The following ALG3 variants were observed in gnomAD, a reference collection of about 807,000 sequenced individuals.
ALG3 encodes ALG3 alpha-1,3- mannosyltransferase, also known as dol-P-Man:Man(5)GlcNAc(2)-PP-Dol alpha-1,3-mannosyltransferase.
In ALG3, 39 loss-of-function variants were observed where a neutral mutation model predicts 50.5. That is an observed-to-expected ratio of 0.77 (90% CI 0.60 to 1.01). The LOEUF is 1.01. ALG3 is among the 50% of genes least tolerant of loss of function. ALG3 has a pLI of 0.00. For missense variants in ALG3, 520 were observed against 554.8 expected, an observed-to-expected ratio of 0.94 and a Z score of 0.63; for synonymous variants, 252 against 237.2, an observed-to-expected ratio of 1.06 and a Z score of -0.58.
intron 4 of ALG3, 92 bp downstream of exon 4, chr3:184,245,106 T>C (rs965907471): frequency 6.6e-7 from 1 of 1,522,178 alleles, no homozygotes; most frequent in Non-Finnish European, 9.0e-7. Flanking sequence ...CCATGCTGTC[T>C]TGGCTACTCC....
Position 184,242,305 on chromosome 3 carries a change from C to T in ALG3, c.*209G>A. ...GGTAGAGAGCCACAGTCCCCAAATC[C>T]TATGCAATAAAGTGCCTCTTAGGAC... On this transcript the variant is annotated 3_prime_UTR_variant, in exon 9 of 9. Coordinates refer to ENST00000397676, the MANE Select transcript of ALG3 (RefSeq NM_005787.6). The T allele has an allele frequency of 1.3e-6, 1 of 769,004 alleles. No individual in the cohort carries two copies. The highest frequency in any genetic ancestry group is 2.2e-6 in the Non-Finnish European group (1 of 452,316). 47.6% of individuals were successfully genotyped at this position (769,004 alleles called of 1,614,324 possible).
intron 5 of ALG3, 36 bp downstream of exon 5, chr3:184,244,565 C>G: frequency 1.3e-6 from 2 of 1,593,838 alleles, no homozygotes; most frequent in Non-Finnish European, 1.7e-6. Context: ...AGTGGCTTCT[C>G]CTTGATTAGA....
chr3:184,242,748 A>G, intron 8 of ALG3, 65 bp downstream of exon 8: 1 of 1,597,482 alleles, frequency 6.3e-7, no homozygotes, highest in African/African-American at 1.3e-5. Context: ...CTCATGCCCT[A>G]GACATAAACC....
chr3:184,249,043 C>A, upstream of ALG3: 1 of 1,515,876 alleles, frequency 6.6e-7, no homozygotes, highest in South Asian at 1.2e-5. Context: ...GGCTAAGCGC[C>A]GATCCGAGTA....
At position 184,242,554 on chromosome 3, in the gene ALG3, G is replaced by C; in HGVS notation, c.1277C>G (p.Pro426Arg). ...ILLQLWLGPQ[P>R]FPKSTQHSKK... ...GCTGTGTTGGGTGCTCTTGGGGAAA[G>C]GCTGCGGGCCCAGCCAGAGCTGCAG... Residue 426 changes from proline (P) to arginine (R), a missense_variant, in exon 9 of 9, where the codon CCT becomes CGT. Physicochemically the swap from Pro to Arg is moderately radical, Grantham distance 103. Around this residue, in one of 3 missense-constraint regions of ALG3, gnomAD observed 224 missense variants for 272.8 expected, o/e 0.82. Coordinates refer to ENST00000397676, the MANE Select transcript of ALG3 (RefSeq NM_005787.6). 6.2e-7 allele frequency: 1 copy of C among 1,611,906 alleles called. No homozygotes were observed. Among genetic ancestry groups the C allele is most frequent in the Non-Finnish European group, 8.5e-7 (1 of 1,178,292 alleles).
At chr3:184,248,385 C>T (rs1719295505) in intron 1 of ALG3, among the ~76,000 whole-genome samples, 1 of 152,136 alleles carries the variant, frequency 6.6e-6, no homozygotes, top group Non-Finnish European at 1.5e-5. Flanking sequence ...GATCACAGAA[C>T]TGAACACATG....
At chr3:184,243,122 A>G in intron 7 of ALG3, 165 bp from the exon 8 acceptor site, 2 of 910,412 alleles carry the variant, frequency 2.2e-6, no homozygotes, top group South Asian at 3.3e-5. Context: ...TCAACCAAAT[A>G]TGGAATATGG....
upstream of ALG3, chr3:184,249,261 G>A (rs776703482): frequency 6.2e-7 from 1 of 1,612,074 alleles, no homozygotes; most frequent in African/African-American, 1.3e-5. Flanking sequence ...ATTCTCCTTC[G>A]CCTGCGCTGG....
chr3:184,248,801 G>A lies in ALG3; in HGVS notation c.140C>T (p.Ala47Val). 6.2e-7 allele frequency: 1 copy of A among 1,605,442 alleles called. No homozygotes were observed. The highest frequency in any genetic ancestry group is 8.5e-7 in the Non-Finnish European group (1 of 1,175,270). The change falls in exon 1 of 9, where the codon GCC becomes GTC. Residue 47 changes from alanine (A) to valine (V), a missense_variant. This residue lies in a region of ALG3 where 290 missense variants were observed against 265.9 expected (regional missense o/e 1.09). Transcript: ENST00000397676. ...REPRYTLLVA[A>V]CLCLAEVGIT... is the part of the protein sequence containing the mutation. Reference sequence around the variant, plus strand: ...GCCCACCTCCGCCAGGCAGAGGCAGGCGGCCACCAGCAGCGTGTAGCGCGG... The same window carrying A: ...GCCCACCTCCGCCAGGCAGAGGCAGACGGCCACCAGCAGCGTGTAGCGCGG...
At chr3:184,245,106 T>G in intron 4 of ALG3, 92 bp downstream of exon 4, 1 of 1,522,178 alleles carries the variant, frequency 6.6e-7, no homozygotes, top group African/African-American at 1.4e-5. Flanking sequence ...CCATGCTGTC[T>G]TGGCTACTCC....
In ALG3 at chr3:184,245,607, G is replaced by A. The variant is rs1719101016; in HGVS notation, c.305C>T (p.Ala102Val). ...QGDTGPLVYPAGFVYIFMGLY... is the reference protein window; with the variant it reads ...QGDTGPLVYPVGFVYIFMGLY... ...CCCCATAAAGATGTACACGAAACCA[G>A]CTGGGTACCTGGAAGATGAGAGAAA... The change falls in exon 3 of 9, where the codon GCT becomes GTT. Residue 102 changes from alanine to valine, a missense_variant. By Grantham distance (64) the Ala-to-Val change is moderately conservative (BLOSUM62 0). Coordinates refer to ENST00000397676, the MANE Select transcript of ALG3 (RefSeq NM_005787.6). 6.2e-7 allele frequency: 1 copy of A among 1,613,108 alleles called. No individual in the cohort carries two copies. The highest frequency in any genetic ancestry group is 1.1e-5 in the South Asian group (1 of 90,892).
chr3:184,247,211 T>C (rs2108443419), intron 1 of ALG3, among the ~76,000 whole-genome samples: 1 of 151,436 alleles, frequency 6.6e-6, no homozygotes, highest in South Asian at 2.1e-4. Flanking sequence ...GCCAGGCTGG[T>C]CTTTAACTCC....
Position 184,245,781 on chromosome 3 carries a change from G to A in ALG3, c.228C>T (p.Ala76=), listed in dbSNP as rs745962811. The change falls in exon 2 of 9, where the codon GCC becomes GCT. Residue 76 remains alanine, a synonymous_variant. Transcript: ENST00000397676. ...TACCATTGATGACGCCTTCTACCTC[G>A]GCCATGTAGGCCTTCCAGTCAATCT... ...YTEIDWKAYM[A]EVEGVINGTY... is the part of the protein sequence containing the mutation. The A allele has an allele frequency of 1.4e-5, 22 of 1,613,730 alleles. No homozygotes were observed. The South Asian group carries it at 1.6e-4, about 12-fold the overall frequency.
At chr3:184,249,066 T>A, upstream of ALG3, 1 of 1,486,386 alleles carries the variant, frequency 6.7e-7, no homozygotes, top group African/African-American at 1.4e-5. Flanking sequence ...CAGTCTTCAT[T>A]TACTCCACTA....
intron 5 of ALG3, 165 bp downstream of exon 5, chr3:184,244,436 A>G (rs921203264): frequency 1.6e-5 from 14 of 865,298 alleles, no homozygotes; most frequent in Admixed American, 1.2e-4. Flanking sequence ...TTAATACCCT[A>G]TTTTACAGCT....
intron 1 of ALG3, among the ~76,000 whole-genome samples, chr3:184,247,583 C>T (rs1209372343): frequency 6.6e-6 from 1 of 152,208 alleles, no homozygotes; most frequent in Non-Finnish European, 1.5e-5. Flanking sequence ...CAGGCGTGTG[C>T]CGCTGCGCCC....
In ALG3 at chr3:184,245,486, G is replaced by C; in HGVS notation, c.426C>G (p.Ile142Met). Residue 142 changes from isoleucine to methionine, a missense_variant, in exon 3 of 9, where the codon ATC becomes ATG. By Grantham distance (10) the Ile-to-Met change is conservative. Transcript: ENST00000397676. The part of the protein sequence containing the change: ...YLATLLLVFL[I>M]YHQTCKVPPF... The stretch of plus-strand genomic sequence containing the variant: ...GACTCACCTTGCAGGTCTGGTGATA[G>C]ATCAAGAAGACAAGCAGCAAGGTAG... 6.2e-7 allele frequency: 1 copy of C among 1,614,022 alleles called. No homozygotes were observed. Among genetic ancestry groups the C allele is most frequent in the East Asian group, 2.2e-5 (1 of 44,884 alleles).
rs781534301 is a variant in ALG3, at chr3:184,248,872, T to C, written c.69A>G (p.Gln23=). 17 of 1,607,184 alleles carry C rather than the reference T, an allele frequency of 1.1e-5. No individual in the cohort carries two copies. The highest frequency in any genetic ancestry group is 1.4e-5 in the Non-Finnish European group (17 of 1,177,074). The change falls in exon 1 of 9, where the codon CAA becomes CAG. Residue 23 remains glutamine, a synonymous_variant. Transcript: ENST00000397676. ...SAAQAEGLCK[Q]WLQRAWQERR... is the part of the protein sequence containing the mutation. The stretch of plus-strand genomic sequence containing the variant: ...GCTCTTGCCAGGCGCGCTGCAGCCA[T>C]TGCTTGCAGAGTCCCTCTGCCTGGG...
intron 1 of ALG3, among the ~76,000 whole-genome samples, chr3:184,248,538 C>T (rs532300429): frequency 2.0e-5 from 3 of 152,328 alleles, no homozygotes; most frequent in African/African-American, 4.8e-5. Context: ...AGGCCAATCT[C>T]TAGGGTATCC....
Sources: allele counts gnomAD v4.1 joint callset (sites outside exome capture counted in the v4.1 genomes callset), GRCh38; gene constraint gnomAD v4.1.1; regional missense constraint gnomAD v4.1.1; transcripts MANE v1.5; gene names NCBI Gene and HGNC (gene_info 2026-07-23, HGNC 2026-07-21).